The following STXBP5L variants were observed in gnomAD, a reference collection of about 807,000 sequenced individuals.
STXBP5L encodes the protein syntaxin binding protein 5L.
Under a neutral mutation model 144.5 loss-of-function variants are expected in STXBP5L, and 65 were observed. The observed-to-expected ratio is 0.45, with a 90% CI of 0.37 to 0.55. The LOEUF is 0.55. STXBP5L is among the 20% of genes least tolerant of loss of function. The pLI, the probability that STXBP5L is intolerant of heterozygous loss-of-function variation, is 0.00. For synonymous variants in STXBP5L, 505 were observed against 469.6 expected, an observed-to-expected ratio of 1.08 and a Z score of -0.97; for missense variants, 1,298 against 1,405.5, an observed-to-expected ratio of 0.92 and a Z score of 1.22.
At chr3:121,262,674 A>G (rs1325182321) in intron 18 of STXBP5L, among the ~76,000 whole-genome samples, 4 of 152,232 alleles carry the variant, frequency 2.6e-5, no homozygotes, top group Non-Finnish European at 5.9e-5. Flanking sequence ...GGTATGATTC[A>G]TTCTGAGGCA....
chr3:121,282,289 T>C, intron 19 of STXBP5L: 1 of 1,612,304 alleles, frequency 6.2e-7, no homozygotes, highest in Non-Finnish European at 8.5e-7. Flanking sequence ...GCGTGGCCTG[T>C]CTAACTTTTA....
chr3:121,246,628 C>T (rs1455296737), intron 14 of STXBP5L, among the ~76,000 whole-genome samples: 2 of 152,066 alleles, frequency 1.3e-5, no homozygotes, highest in African/African-American at 4.8e-5. Context: ...TTAGAGTAAA[C>T]ATACAAAGTC....
At chr3:121,151,129 G>A (rs1451570553) in intron 7 of STXBP5L, among the ~76,000 whole-genome samples, 3 of 151,348 alleles carry the variant, frequency 2.0e-5, no homozygotes, top group Admixed American at 6.6e-5. Flanking sequence ...TGGTTTCATC[G>A]TTCATCATTT....
intron 9 of STXBP5L, among the ~76,000 whole-genome samples, chr3:121,180,700 C>T (rs938254363): frequency 2.0e-5 from 3 of 152,110 alleles, no homozygotes; most frequent in Admixed American, 6.5e-5. Flanking sequence ...CATGGTGAAA[C>T]CCCGTCTCTA....
chr3:120,994,994 C>T (rs1382039687), intron 3 of STXBP5L, among the ~76,000 whole-genome samples: 3 of 151,794 alleles, frequency 2.0e-5, no homozygotes, highest in Non-Finnish European at 4.4e-5. Flanking sequence ...TTTCCAGGTT[C>T]AATTTTGGGA....
intron 3 of STXBP5L, among the ~76,000 whole-genome samples, chr3:120,985,078 A>T (rs1942169374): frequency 6.6e-6 from 1 of 151,924 alleles, no homozygotes; most frequent in Non-Finnish European, 1.5e-5. Flanking sequence ...TTTTCTGATA[A>T]TTTCATGCCA....
chr3:121,199,728 C>G (rs1181720803), intron 9 of STXBP5L, among the ~76,000 whole-genome samples: 2 of 152,072 alleles, frequency 1.3e-5, no homozygotes, highest in Non-Finnish European at 2.9e-5. Flanking sequence ...TTTTCTGCAT[C>G]TATTGAGATA....
At chr3:121,400,409 G>T (rs911585491) in intron 22 of STXBP5L, among the ~76,000 whole-genome samples, 3 of 152,196 alleles carry the variant, frequency 2.0e-5, no homozygotes, top group Non-Finnish European at 4.4e-5. Context: ...TCTAGCATGT[G>T]ATCGGCCAAC....
chr3:121,269,165 A>G (rs952062086), intron 18 of STXBP5L, among the ~76,000 whole-genome samples: 1 of 152,128 alleles, frequency 6.6e-6, no homozygotes, highest in African/African-American at 2.4e-5. Flanking sequence ...AATCATGATT[A>G]TTATAAGAAA....
chr3:121,024,625 C>T (rs1031776721), intron 3 of STXBP5L, among the ~76,000 whole-genome samples: 1 of 152,068 alleles, frequency 6.6e-6, no homozygotes, highest in Non-Finnish European at 1.5e-5. Flanking sequence ...AAAATATTAC[C>T]ATCAATAACA....
chr3:121,147,975 G>C (rs2107968343), intron 7 of STXBP5L, among the ~76,000 whole-genome samples: 1 of 152,046 alleles, frequency 6.6e-6, no homozygotes, highest in East Asian at 1.9e-4. Context: ...TGGTTCTCAG[G>C]TCTTCAGACT....
chr3:121,084,788 C>G (rs984617691), intron 5 of STXBP5L, among the ~76,000 whole-genome samples: 4 of 152,130 alleles, frequency 2.6e-5, no homozygotes, highest in African/African-American at 9.7e-5. Context: ...ACCATACTGT[C>G]TTCCACTCTT....
chr3:120,932,979 T>C (rs1222405216), intron 2 of STXBP5L, among the ~76,000 whole-genome samples: 1 of 137,286 alleles, frequency 7.3e-6, no homozygotes, highest in Admixed American at 8.5e-5. Flanking sequence ...TTCTCACTCA[T>C]AGGTAGGAAT....
chr3:121,262,958 T>C (rs1482573160), intron 18 of STXBP5L, among the ~76,000 whole-genome samples: 1 of 152,212 alleles, frequency 6.6e-6, no homozygotes, highest in African/African-American at 2.4e-5. Flanking sequence ...AGCACAGCGC[T>C]TGAGCTCTGC....
At chr3:121,286,885 A>G (rs917687958) in intron 19 of STXBP5L, among the ~76,000 whole-genome samples, 17 of 152,124 alleles carry the variant, frequency 1.1e-4, no homozygotes, top group Non-Finnish European at 2.9e-5. Flanking sequence ...CGCATTTACT[A>G]TGGCAAGATA....
intron 22 of STXBP5L, among the ~76,000 whole-genome samples, chr3:121,388,787 G>A (rs1267575307): frequency 6.6e-6 from 1 of 152,112 alleles, no homozygotes; most frequent in African/African-American, 2.4e-5. Context: ...TGCTGGATTC[G>A]TTTGTCAGTA....
In STXBP5L at chr3:121,077,332, C is replaced by T. The variant is rs969707912; in HGVS notation, c.470+31797C>T. 3.9e-5 allele frequency among the ~76,000 whole-genome samples: 6 copies of T among 152,108 alleles called. 1 individual carries two copies. The highest frequency in any genetic ancestry group is 4.1e-4 in the South Asian group (2 of 4,824). ...CTCACTGACTTCAAGAATGAAGCCG[C>T]GGACCTTCATGGTGAGTGTTAACAG... On this transcript the variant is annotated intron_variant, in intron 5 of 26. Coordinates refer to ENST00000471454, the MANE Select transcript of STXBP5L (RefSeq NM_001308330.2).
intron 3 of STXBP5L, among the ~76,000 whole-genome samples, chr3:120,989,669 A>G (rs146330543): frequency 1.3e-5 from 2 of 152,172 alleles, no homozygotes; most frequent in Non-Finnish European, 2.9e-5. Context: ...CCGCTCTACT[A>G]GTTTTTGTTT....
At chr3:121,082,359 G>A (rs919858321) in intron 5 of STXBP5L, among the ~76,000 whole-genome samples, 6 of 151,402 alleles carry the variant, frequency 4.0e-5, no homozygotes, top group African/African-American at 1.5e-4. Flanking sequence ...GTATTTTTTT[G>A]ATTGTGAGTG....
Sources: gnomAD v4.1 joint callset for allele counts (sites outside exome capture counted in the v4.1 genomes callset) on GRCh38, gnomAD v4.1.1 for gene constraint, MANE v1.5 for transcripts, NCBI Gene and HGNC (gene_info 2026-07-23, HGNC 2026-07-21) for gene names.